The following APOA1 variants were observed in gnomAD, a reference collection of about 807,000 sequenced individuals.
APOA1 encodes apolipoprotein A1, also known as apolipoprotein A-I.
APOA1 carries 22 observed loss-of-function variants against 25.9 expected under a neutral mutation model. The observed-to-expected ratio is 0.85, with a 90% CI of 0.61 to 1.21. APOA1 has a LOEUF of 1.21. Among genes scored for constraint, APOA1 ranks in the 50% most tolerant of loss-of-function variants. The pLI, the probability that APOA1 is intolerant of heterozygous loss-of-function variation, is 0.00. For synonymous variants in APOA1, 163 were observed against 152.2 expected (o/e 1.07, Z -0.52); for missense variants, 351 against 347.9 (o/e 1.01, Z -0.07).
At position 116,835,879 on chromosome 11, in the gene APOA1, C is replaced by A; in HGVS notation, c.733G>T (p.Val245Leu). The A allele has an allele frequency of 1.2e-6, 2 of 1,613,194 alleles. No individual in the cohort carries two copies. The highest frequency in any genetic ancestry group is 2.2e-5 in the South Asian group (2 of 91,084). ...AAGCTGACCTTGAAGCTCTCCAGCA[C>A]GGGCAGCAGGCCTTGGCGGAGGTCC... Reference protein sequence around the residue: ...LEDLRQGLLPVLESFKVSFLS... With the variant: ...LEDLRQGLLPLLESFKVSFLS... Residue 245 changes from valine to leucine, a missense_variant, in exon 4 of 4, where the codon GTG becomes TTG. Physicochemically the swap from Val to Leu is conservative, Grantham distance 32 (BLOSUM62 1). Coordinates refer to ENST00000236850, the MANE Select transcript of APOA1 (RefSeq NM_000039.3).
At chr11:116,837,435 T>C (rs926015975) in intron 1 of APOA1, 28 bp from the exon 2 acceptor site, 2 of 1,550,632 alleles carry the variant, frequency 1.3e-6, no homozygotes, top group African/African-American at 1.4e-5. Flanking sequence ...CCTGGCTGAG[T>C]GGGGTGCCTT....
Position 116,836,425 on chromosome 11 carries a change from C to T in APOA1, c.201-14G>A, listed in dbSNP as rs376479624. On this transcript the variant is annotated splice_polypyrimidine_tract_variant and intron_variant, in intron 3 of 3. Transcript: ENST00000236850. ...AGGAGCTTTAGGCTGGAGGGTGAGACAGAAGGGTTGAGGGCTGGCCTCCCA... is the reference window on the plus strand; with the variant it reads ...AGGAGCTTTAGGCTGGAGGGTGAGATAGAAGGGTTGAGGGCTGGCCTCCCA... 6.2e-7 allele frequency: 1 copy of T among 1,613,294 alleles called. No individual in the cohort carries two copies. Among genetic ancestry groups the T allele is most frequent in the Admixed American group, 1.7e-5 (1 of 60,012 alleles).
rs774804784 is a variant in APOA1, at chr11:116,837,021, G to A, written c.180C>T (p.Ser60=). The A allele has an allele frequency of 1.7e-5, 27 of 1,614,164 alleles. No homozygotes were observed. Among genetic ancestry groups the A allele is most frequent in the East Asian group, 1.6e-4 (7 of 44,894 alleles). The change falls in exon 3 of 4, where the codon TCC becomes TCT. Residue 60 remains serine (S), a synonymous_variant. Transcript: ENST00000236850. Reference sequence around the variant, plus strand: ...CTTACTTTAGCTGTTTTCCCAAGGCGGAGCCTTCAAACTGGGACACATAGT... The same window carrying A: ...CTTACTTTAGCTGTTTTCCCAAGGCAGAGCCTTCAAACTGGGACACATAGT... ...GRDYVSQFEG[S]ALGKQLNLKL... is the part of the protein sequence containing the mutation.
At chr11:116,836,559 T>C in intron 3 of APOA1, 148 bp from the exon 4 acceptor site, 1 of 1,109,782 alleles carries the variant, frequency 9.0e-7, no homozygotes, top group Non-Finnish European at 1.3e-6. Flanking sequence ...CGCCAGGCCA[T>C]GCCCCGTTGT....
In APOA1 at chr11:116,835,788, G is replaced by A. The variant is rs374923795; in HGVS notation, c.*20C>T. On this transcript the variant is annotated 3_prime_UTR_variant, in exon 4 of 4. Coordinates refer to ENST00000236850, the MANE Select transcript of APOA1 (RefSeq NM_000039.3). ...AAACGTTTATTCTGAGCACCGGGAA[G>A]GGGGGCGGCGGCGGGCGCCTCACTG... The A allele has an allele frequency of 3.7e-6, 6 of 1,612,986 alleles. No homozygotes were observed. In the Admixed American group the frequency reaches 6.7e-5, roughly 18 times the overall value.
intron 2 of APOA1, 76 bp from the exon 3 acceptor site, chr11:116,837,233 G>C (rs540098122): frequency 6.3e-7 from 1 of 1,581,240 alleles, no homozygotes. Flanking sequence ...GCTTGGAGGT[G>C]GGGGAGAGGG....
chr11:116,837,138 G>A lies in APOA1; in HGVS notation c.63C>T (p.Phe21=), dbSNP rs1285743895. 6.2e-7 allele frequency: 1 copy of A among 1,612,938 alleles called. No individual in the cohort carries two copies. The highest frequency in any genetic ancestry group is 8.5e-7 in the Non-Finnish European group (1 of 1,179,198). Residue 21 remains phenylalanine, a synonymous_variant, in exon 3 of 4, where the codon TTC becomes TTT. Coordinates refer to ENST00000236850, the MANE Select transcript of APOA1 (RefSeq NM_000039.3). ...LFLTGSQARH[F]WQQDEPPQSP... ...TCTGGGGGGGTTCATCTTGCTGCCA[G>A]AAATGCCGAGCCTGGCTCCCTGAGG...
chr11:116,837,269 G>A, intron 2 of APOA1, 76 bp downstream of exon 2: 1 of 1,589,050 alleles, frequency 6.3e-7, no homozygotes, highest in Non-Finnish European at 8.6e-7. Flanking sequence ...TGCTGCCTCT[G>A]CCCAGGAGGG....
intron 1 of APOA1, 55 bp from the exon 2 acceptor site, chr11:116,837,462 C>G (rs558787505): frequency 6.6e-7 from 1 of 1,512,584 alleles, no homozygotes; most frequent in African/African-American, 1.4e-5. Flanking sequence ...GCAGAAGCCC[C>G]GTGCTCCCCC....
Position 116,836,345 on chromosome 11 carries a change from G to T in APOA1, c.267C>A (p.Gly89=), listed in dbSNP as rs751593786. The change falls in exon 4 of 4, where the codon GGC becomes GGA. Residue 89 remains glycine, a synonymous_variant. Coordinates refer to ENST00000236850, the MANE Select transcript of APOA1 (RefSeq NM_000039.3). ...STFSKLREQL[G]PVTQEFWDNL... Reference sequence around the variant, plus strand: ...TATCCCAGAACTCCTGGGTCACAGGGCCGAGCTGTTCGCGCAGCTTGCTGA... The same window carrying T: ...TATCCCAGAACTCCTGGGTCACAGGTCCGAGCTGTTCGCGCAGCTTGCTGA... The T allele has an allele frequency of 6.2e-7, 1 of 1,614,150 alleles. No individual in the cohort carries two copies. The highest frequency in any genetic ancestry group is 8.5e-7 in the Non-Finnish European group (1 of 1,180,042).
At chr11:116,836,454 C>T (rs763449292) in intron 3 of APOA1, 43 bp from the exon 4 acceptor site, 8 of 1,609,208 alleles carry the variant, frequency 5.0e-6, no homozygotes, top group Non-Finnish European at 5.9e-6. Flanking sequence ...CCTCCCAGCG[C>T]CCCAGCCTAT....
In APOA1 at chr11:116,837,326, T is replaced by C. The variant is rs558398958; in HGVS notation, c.43+19A>G. 4.4e-6 allele frequency: 7 copies of C among 1,574,752 alleles called. No homozygotes were observed. The South Asian group carries it at 8.1e-5, about 18-fold the overall frequency. On this transcript the variant is annotated intron_variant, in intron 2 of 3. Coordinates refer to ENST00000236850, the MANE Select transcript of APOA1 (RefSeq NM_000039.3). Reference sequence around the variant, plus strand: ...GAAAGCCCCCCGATGGTTGGCTCCCTAGGTTAGGGGACACCTACCCGTCAG... The same window carrying C: ...GAAAGCCCCCCGATGGTTGGCTCCCCAGGTTAGGGGACACCTACCCGTCAG...
In APOA1 at chr11:116,837,455, G is replaced by A. The variant is rs773533010; in HGVS notation, c.-20-48C>T. Reference sequence around the variant, plus strand: ...CTGAGTGGGGTGCCTTCAGCATGCAGAAGCCCCGTGCTCCCCCACTCATTG... The same window carrying A: ...CTGAGTGGGGTGCCTTCAGCATGCAAAAGCCCCGTGCTCCCCCACTCATTG... On this transcript the variant is annotated intron_variant, in intron 1 of 3. Transcript: ENST00000236850. The A allele has an allele frequency of 1.2e-5, 18 of 1,526,476 alleles. No individual in the cohort carries two copies. The South Asian group carries it at 2.2e-4, about 18-fold the overall frequency. 94.6% of individuals were successfully genotyped at this position (1,526,476 alleles called of 1,614,324 possible). A position where few individuals can be genotyped will look rare whatever the true frequency, so the allele number is the denominator to read the frequency against.
At chr11:116,837,236 G>C in intron 2 of APOA1, 79 bp from the exon 3 acceptor site, 1 of 1,586,614 alleles carries the variant, frequency 6.3e-7, no homozygotes, top group South Asian at 1.1e-5. Context: ...TGGAGGTGGG[G>C]GAGAGGGGGC....
chr11:116,836,361 A>G lies in APOA1; in HGVS notation c.251T>C (p.Leu84Pro), dbSNP rs121912724. ...WDSVTSTFSKLREQLGPVTQE... is the reference protein window; with the variant it reads ...WDSVTSTFSKPREQLGPVTQE... ...GGTCACAGGGCCGAGCTGTTCGCGC[A>G]GCTTGCTGAAGGTGGAGGTCACGCT... The change falls in exon 4 of 4, where the codon CTG becomes CCG. Residue 84 changes from leucine (L) to proline (P), a missense_variant. By Grantham distance (98) the Leu-to-Pro change is moderately conservative. Coordinates refer to ENST00000236850, the MANE Select transcript of APOA1 (RefSeq NM_000039.3). The G allele has an allele frequency of 6.2e-7, 1 of 1,614,006 alleles. No homozygotes were observed. Among genetic ancestry groups the G allele is most frequent in the Non-Finnish European group, 8.5e-7 (1 of 1,180,050 alleles).
chr11:116,837,409 TGGA>T lies in APOA1; in HGVS notation c.-20-5_-20-3del. On this transcript the variant is annotated splice_polypyrimidine_tract_variant and splice_region_variant and intron_variant, in intron 1 of 3. Transcript: ENST00000236850. ...TCATCCTGAAGGGCCGTGGGGGACCTGGAGGAGAAGAAGGGCCTGGCTGAGTGG... is the reference window on the plus strand; with the variant it reads ...TCATCCTGAAGGGCCGTGGGGGACCTGGAGAAGAAGGGCCTGGCTGAGTGG... The T allele has an allele frequency of 6.4e-7, 1 of 1,554,594 alleles. No individual in the cohort carries two copies. The highest frequency in any genetic ancestry group is 8.7e-7 in the Non-Finnish European group (1 of 1,148,590).
At chr11:116,836,484 A>C in intron 3 of APOA1, 73 bp from the exon 4 acceptor site, 2 of 1,588,650 alleles carry the variant, frequency 1.3e-6, no homozygotes, top group Non-Finnish European at 1.7e-6. Flanking sequence ...GCCCTGGGTG[A>C]CACCTGTCCG....
At chr11:116,836,886 T>G in intron 3 of APOA1, 115 bp downstream of exon 3, 1 of 1,230,482 alleles carries the variant, frequency 8.1e-7, no homozygotes, top group Non-Finnish European at 1.2e-6. Context: ...ATCCAGACCA[T>G]CTGTGGGGCC....
chr11:116,837,602 C>T lies in APOA1; in HGVS notation c.-21+3G>A. 1 of 618,612 alleles carries T rather than the reference C, an allele frequency of 1.6e-6. No homozygotes were observed. Among genetic ancestry groups the T allele is most frequent in the Non-Finnish European group, 2.9e-6 (1 of 345,610 alleles). The allele number at this position is 618,612 out of a possible 1,614,324, so 38.3% of individuals were successfully genotyped here. A position where few individuals can be genotyped will look rare whatever the true frequency, so the allele number is the denominator to read the frequency against. On this transcript the variant is annotated splice_donor_region_variant and intron_variant, in intron 1 of 3. Coordinates refer to ENST00000236850, the MANE Select transcript of APOA1 (RefSeq NM_000039.3). ...AGTGACCGGGGCAGGCAGCAGGACG[C>T]ACCTCCTTCTCGCAGTCTCTAAGCA...
Sources: gnomAD v4.1 joint callset for allele counts on GRCh38, gnomAD v4.1.1 for gene constraint, MANE v1.5 for transcripts, NCBI Gene and HGNC (gene_info 2026-07-23, HGNC 2026-07-21) for gene names.